Variants in ZNF407 observed in about 807,000 individuals in gnomAD.
ZNF407 encodes zinc finger protein 407.
Under a neutral mutation model 131.2 loss-of-function variants are expected in ZNF407, and 17 were observed. That is an observed-to-expected ratio of 0.13 (90% CI 0.09 to 0.19). ZNF407 has a LOEUF of 0.19. Ranked by LOEUF, ZNF407 falls within the 10% of genes least tolerant of loss-of-function variation. The pLI is 1.00. For missense variants in ZNF407, 2,681 were observed against 2,830.6 expected (o/e 0.95, Z 1.20); for synonymous variants, 1,156 against 1,062.0 (o/e 1.09, Z -1.72).
At position 74,907,627 on chromosome 18, in the gene ZNF407, C is replaced by T. The variant is rs575288217; in HGVS notation, c.5250-12887C>T. 7.0e-4 allele frequency among the ~76,000 whole-genome samples: 106 copies of T among 152,304 alleles called. 1 individual carries two copies. The highest frequency in any genetic ancestry group is 2.5e-3 in the African/African-American group (103 of 41,578). On this transcript the variant is annotated intron_variant, in intron 7 of 8. Transcript: ENST00000299687. ...CTCTGTAGGAGAAGCTAACTCTTAGCTCTCAATGGTATAGAATTCCCTAGT... is the reference window on the plus strand; with the variant it reads ...CTCTGTAGGAGAAGCTAACTCTTAGTTCTCAATGGTATAGAATTCCCTAGT...
chr18:74,779,221 T>C (rs968982676), intron 3 of ZNF407, among the ~76,000 whole-genome samples: 5 of 148,394 alleles, frequency 3.4e-5, no homozygotes, highest in Non-Finnish European at 5.9e-5. Flanking sequence ...GTTCACGCCA[T>C]TCTCCTGCCT....
chr18:74,779,558 A>G (rs1969556451), intron 3 of ZNF407, among the ~76,000 whole-genome samples: 2 of 152,174 alleles, frequency 1.3e-5, no homozygotes, highest in Non-Finnish European at 1.5e-5. Context: ...GAGCTGTGTT[A>G]TAGTATTAAA....
At position 74,631,156 on chromosome 18, in the gene ZNF407, A is replaced by C; in HGVS notation, c.137A>C (p.Asn46Thr). ...VSDVIASFPE[N>T]SMGKRGFSES... ...GATGTGATAGCAAGTTTCCCTGAGA[A>C]TTCTATGGGCAAAAGAGGTTTTTCA... Residue 46 changes from asparagine to threonine, a missense_variant, in exon 2 of 9, where the codon AAT becomes ACT. Asn to Thr is a moderately conservative substitution (Grantham distance 65). Coordinates refer to ENST00000299687, the MANE Select transcript of ZNF407 (RefSeq NM_017757.3). 1 of 1,613,996 alleles carries C rather than the reference A, an allele frequency of 6.2e-7. No individual in the cohort carries two copies. Among genetic ancestry groups the C allele is most frequent in the South Asian group, 1.1e-5 (1 of 91,088 alleles).
chr18:74,755,728 C>CCTTTCTTTCTTT (rs765042437), intron 3 of ZNF407, among the ~76,000 whole-genome samples: 12,593 of 63,292 alleles, frequency 0.2, 2,024 homozygotes, highest in Middle Eastern at 0.24. Context: ...TTCTTTCTTT[C>CCTTTCTTTCTTT]CTTTCTTTCT....
intron 1 of ZNF407, among the ~76,000 whole-genome samples, chr18:74,614,410 T>C (rs925003912): frequency 2.0e-5 from 3 of 152,234 alleles, no homozygotes; most frequent in African/African-American, 7.2e-5. Flanking sequence ...GAGGTCAATG[T>C]GTTTGGAGTC....
chr18:74,609,013 G>C (rs1324268463), intron 1 of ZNF407, among the ~76,000 whole-genome samples: 1 of 151,976 alleles, frequency 6.6e-6, no homozygotes, highest in Admixed American at 6.6e-5. Flanking sequence ...CATAATATCA[G>C]AATCTTTTGA....
chr18:74,976,195 G>C (rs549203120), intron 8 of ZNF407, among the ~76,000 whole-genome samples: 1 of 152,262 alleles, frequency 6.6e-6, no homozygotes, highest in South Asian at 2.1e-4. Context: ...TTGCAGTCAG[G>C]AATAACCACC....
intron 3 of ZNF407, among the ~76,000 whole-genome samples, chr18:74,711,211 G>A (rs1259670030): frequency 6.6e-6 from 1 of 152,104 alleles, no homozygotes; most frequent in Non-Finnish European, 1.5e-5. Context: ...ATTTGGGTTG[G>A]CAGAATAAAG....
intron 1 of ZNF407, among the ~76,000 whole-genome samples, chr18:74,616,386 A>G (rs1035893122): frequency 1.3e-5 from 2 of 152,170 alleles, no homozygotes; most frequent in Non-Finnish European, 2.9e-5. Context: ...CATGGTGACT[A>G]AGAACTGCTA....
intron 4 of ZNF407, among the ~76,000 whole-genome samples, chr18:74,859,711 A>G (rs1970910704): frequency 6.6e-6 from 1 of 152,126 alleles, no homozygotes; most frequent in Non-Finnish European, 1.5e-5. Flanking sequence ...TTACTTTGAG[A>G]TGTTATTTAT....
intron 8 of ZNF407, among the ~76,000 whole-genome samples, chr18:75,058,795 G>A (rs971370250): frequency 1.3e-5 from 2 of 152,354 alleles, no homozygotes; most frequent in East Asian, 3.9e-4. Flanking sequence ...TCATAGCCCA[G>A]TTAGGGTTTA....
intron 8 of ZNF407, among the ~76,000 whole-genome samples, chr18:75,042,459 G>A (rs971638486): frequency 1.3e-5 from 2 of 152,142 alleles, no homozygotes; most frequent in African/African-American, 4.8e-5. Context: ...TATAATTAGA[G>A]TCCTAAGAGT....
chr18:74,804,993 C>T (rs2404475), intron 4 of ZNF407, among the ~76,000 whole-genome samples: 96,672 of 152,052 alleles, frequency 0.64, 32,867 homozygotes, highest in East Asian at 0.95. Flanking sequence ...TTCAGTGACC[C>T]GACGTGCATT....
intron 8 of ZNF407, among the ~76,000 whole-genome samples, chr18:74,951,743 GT>G (rs1568280901): frequency 2.0e-5 from 3 of 152,012 alleles, no homozygotes; most frequent in South Asian, 4.1e-4. Context: ...TAGTCTGTGT[GT>G]TTTTTATGGG....
At chr18:74,789,478 G>A (rs182082372) in intron 4 of ZNF407, among the ~76,000 whole-genome samples, 2 of 152,286 alleles carry the variant, frequency 1.3e-5, no homozygotes, top group Admixed American at 6.5e-5. Flanking sequence ...TAGTGGAGAG[G>A]AGAATATGGG....
chr18:75,013,912 ACT>A (rs1973013072), intron 8 of ZNF407, among the ~76,000 whole-genome samples: 2 of 152,240 alleles, frequency 1.3e-5, no homozygotes, highest in South Asian at 4.1e-4. Flanking sequence ...TGTATGCAGT[ACT>A]GTTTCTGTTT....
At chr18:74,837,260 C>T (rs534483361) in intron 4 of ZNF407, among the ~76,000 whole-genome samples, 275 of 151,928 alleles carry the variant, frequency 1.8e-3, no homozygotes, top group Middle Eastern at 0.014. Flanking sequence ...CCCTTTTGTT[C>T]GCTTTACTAC....
chr18:75,033,969 A>T (rs1263924686), intron 8 of ZNF407, among the ~76,000 whole-genome samples: 1 of 152,172 alleles, frequency 6.6e-6, no homozygotes, highest in East Asian at 1.9e-4. Flanking sequence ...CTTCATATTT[A>T]TCTAATGTGA....
intron 2 of ZNF407, among the ~76,000 whole-genome samples, chr18:74,637,532 T>C (rs1599032398): frequency 6.6e-6 from 1 of 152,014 alleles, no homozygotes; most frequent in Non-Finnish European, 1.5e-5. Context: ...GTTGGTCTTA[T>C]CAGGAAGTAC....
Sources: gnomAD v4.1 joint callset for allele counts (sites outside exome capture counted in the v4.1 genomes callset) on GRCh38, gnomAD v4.1.1 for gene constraint, MANE v1.5 for transcripts, NCBI Gene and HGNC (gene_info 2026-07-23, HGNC 2026-07-21) for gene names.